SAMMSON: variants seen among roughly 807,000 people sequenced by gnomAD.
SAMMSON encodes survival associated mitochondrial melanoma specific oncogenic non-coding RNA.
chr3:70,201,800 C>T (rs1701242608), intron 4 of SAMMSON, among the ~76,000 whole-genome samples: 2 of 152,174 alleles, frequency 1.3e-5, no homozygotes, highest in South Asian at 4.1e-4. Flanking sequence ...TTGCCCTCCT[C>T]TGTGCTGGAT....
intron 7 of SAMMSON, among the ~76,000 whole-genome samples, chr3:70,310,094 C>T (rs1038198582): frequency 6.6e-6 from 1 of 152,030 alleles, no homozygotes; most frequent in African/African-American, 2.4e-5. Flanking sequence ...CACAGGGGCT[C>T]TTTGATGCAT....
chr3:70,139,120 T>G (rs1376776078), intron 4 of SAMMSON, among the ~76,000 whole-genome samples: 1 of 152,210 alleles, frequency 6.6e-6, no homozygotes, highest in Non-Finnish European at 1.5e-5. Flanking sequence ...AAGTATCAAA[T>G]CTATACTGGA....
At chr3:70,090,536 C>T (rs1168955311) in intron 4 of SAMMSON, among the ~76,000 whole-genome samples, 2 of 152,166 alleles carry the variant, frequency 1.3e-5, no homozygotes, top group African/African-American at 2.4e-5. Flanking sequence ...GAAACCTCAA[C>T]CCATGTTGTG....
chr3:70,392,322 G>C (rs1330326777), downstream of SAMMSON, among the ~76,000 whole-genome samples: 1 of 152,084 alleles, frequency 6.6e-6, no homozygotes, highest in Non-Finnish European at 1.5e-5. Flanking sequence ...CAATGAATTT[G>C]AGGCTCACAG....
chr3:70,136,585 CTG>C (rs1433451744), intron 4 of SAMMSON, among the ~76,000 whole-genome samples: 1 of 152,178 alleles, frequency 6.6e-6, no homozygotes, highest in Non-Finnish European at 1.5e-5. Context: ...CGTACAGAAA[CTG>C]TGTGAGATAG....
intron 4 of SAMMSON, among the ~76,000 whole-genome samples, chr3:70,176,405 G>A (rs1435409752): frequency 6.6e-6 from 1 of 152,172 alleles, no homozygotes; most frequent in African/African-American, 2.4e-5. Context: ...CCCCGTTTAT[G>A]AGATGACATC....
chr3:70,408,785 T>C (rs1483376118), intron 2 of SAMMSON, among the ~76,000 whole-genome samples: 1 of 152,182 alleles, frequency 6.6e-6, no homozygotes, highest in Non-Finnish European at 1.5e-5. Flanking sequence ...TTTTCAGGTA[T>C]CTTTTCAGCA....
intron 9 of SAMMSON, among the ~76,000 whole-genome samples, chr3:70,377,803 GA>G (rs993999467): frequency 6.6e-6 from 1 of 151,942 alleles, no homozygotes; most frequent in Non-Finnish European, 1.5e-5. Context: ...TGTGCCAATA[GA>G]AAAATGTTCA....
At chr3:70,376,196 A>G (rs1267714680) in intron 9 of SAMMSON, among the ~76,000 whole-genome samples, 4 of 152,190 alleles carry the variant, frequency 2.6e-5, no homozygotes, top group African/African-American at 4.8e-5. Context: ...ACAATTTTCA[A>G]TTGGCTATTT....
intron 3 of SAMMSON, among the ~76,000 whole-genome samples, chr3:70,063,829 A>C (rs2107592688): frequency 6.6e-6 from 1 of 152,198 alleles, no homozygotes; most frequent in East Asian, 1.9e-4. Context: ...TCAGCTGTTT[A>C]ATGAAGGCAA....
chr3:70,239,801 G>A (rs1017115581), intron 4 of SAMMSON, among the ~76,000 whole-genome samples: 13 of 152,004 alleles, frequency 8.6e-5, no homozygotes, highest in Admixed American at 3.3e-4. Context: ...GTGACGTCTC[G>A]TTCAACTCAG....
In SAMMSON at chr3:70,275,580, G is replaced by A. The variant is rs1458368035; in HGVS notation, n.675-15599G>A. 3.3e-5 allele frequency among the ~76,000 whole-genome samples: 5 copies of A among 152,134 alleles called. No homozygotes were observed. In the South Asian group the frequency reaches 6.2e-4, roughly 19 times the overall value. ...GGAATTCAGTCCTTGGGACTGCACT[G>A]CCTAGGTTTAAATCCTGGCCTTGCC... On this transcript the variant is annotated intron_variant and non_coding_transcript_variant, in intron 6 of 9. Transcript: ENST00000642114.
At chr3:70,173,890 A>G (rs1376553611) in intron 4 of SAMMSON, among the ~76,000 whole-genome samples, 1 of 151,916 alleles carries the variant, frequency 6.6e-6, no homozygotes, top group Non-Finnish European at 1.5e-5. Context: ...CAGGGAAATA[A>G]TATAGATATA....
chr3:70,335,916 G>A (rs1009231162), intron 7 of SAMMSON, among the ~76,000 whole-genome samples: 14 of 149,536 alleles, frequency 9.4e-5, no homozygotes, highest in Non-Finnish European at 1.8e-4. Flanking sequence ...CCCCATCTTG[G>A]AAAAAAAAAG....
intron 4 of SAMMSON, among the ~76,000 whole-genome samples, chr3:70,144,415 C>G (rs2067539907): frequency 6.6e-6 from 1 of 152,058 alleles, no homozygotes; most frequent in Non-Finnish European, 1.5e-5. Flanking sequence ...CTTTTCTGAT[C>G]TAAATTAATA....
rs1307372894 is a variant in SAMMSON, at chr3:70,185,711, T to C, written n.508-63396T>C. Among the ~76,000 whole-genome samples the C allele has an allele frequency of 4.0e-5, 6 of 149,866 alleles. No homozygotes were observed. In the South Asian group the frequency reaches 8.4e-4, roughly 21 times the overall value. On this transcript the variant is annotated intron_variant and non_coding_transcript_variant, in intron 4 of 9. Transcript: ENST00000642114. ...TTCCATGGGTCATTCAAAGAGGTTG[T>C]GCCAGCCAGGTGTAGTGGCACATGC...
intron 6 of SAMMSON, among the ~76,000 whole-genome samples, chr3:70,260,690 A>T (rs746706270): frequency 6.6e-6 from 1 of 152,012 alleles, no homozygotes; most frequent in Non-Finnish European, 1.5e-5. Context: ...TTCTCTCCAG[A>T]TTCAGCACCT....
intron 4 of SAMMSON, among the ~76,000 whole-genome samples, chr3:70,248,428 G>T (rs1168024909): frequency 2.6e-5 from 4 of 152,068 alleles, no homozygotes; most frequent in Admixed American, 6.6e-5. Context: ...GAAGCACACT[G>T]GTTTGAACTG....
At chr3:70,386,915 T>C (rs931550316) in intron 9 of SAMMSON, among the ~76,000 whole-genome samples, 6 of 152,120 alleles carry the variant, frequency 3.9e-5, no homozygotes. Flanking sequence ...AAGATGGCAG[T>C]GTGCCTTCCC....
Sources: allele counts gnomAD v4.1 joint callset (sites outside exome capture counted in the v4.1 genomes callset), GRCh38; gene constraint gnomAD v4.1.1; transcripts MANE v1.5; gene names NCBI Gene and HGNC (gene_info 2026-07-23, HGNC 2026-07-21).